The following TNFAIP8 variants were observed in gnomAD, a reference collection of about 807,000 sequenced individuals.
TNFAIP8 encodes the protein tumor necrosis factor alpha-induced protein 8.
TNFAIP8 carries 7 observed loss-of-function variants against 13.3 expected under a neutral mutation model. That is an observed-to-expected ratio of 0.52 (90% CI 0.30 to 0.99). The LOEUF is 0.99. Ranked by LOEUF, TNFAIP8 falls within the 50% of genes least tolerant of loss-of-function variation. TNFAIP8 has a pLI of 0.07. For missense variants in TNFAIP8, 258 were observed against 236.9 expected (o/e 1.09, Z -0.58); for synonymous variants, 94 against 87.6 (o/e 1.07, Z -0.41).
At chr5:119,385,348 C>T (rs928377523) in intron 1 of TNFAIP8, among the ~76,000 whole-genome samples, 6 of 152,332 alleles carry the variant, frequency 3.9e-5, no homozygotes, top group East Asian at 1.9e-4. Context: ...TGCATGAGAA[C>T]GCTGTGACTT....
Position 119,397,620 on chromosome 5 carries a change from C to T in TNFAIP8, c.*4239C>T, listed in dbSNP as rs1313924089. The T allele has an allele frequency of 6.6e-6, 1 of 152,180 alleles. No homozygotes were observed. Among genetic ancestry groups the T allele is most frequent in the Non-Finnish European group, 1.5e-5 (1 of 68,024 alleles). 9.4% of individuals were successfully genotyped at this position (152,180 alleles called of 1,614,324 possible). A position where few individuals can be genotyped will look rare whatever the true frequency, so the allele number is the denominator to read the frequency against. The stretch of plus-strand genomic sequence containing the variant: ...TTATCCTACCTCTGAAATAATTGTA[C>T]TTTCTGTGATTCAGATAAAAACTTT... On this transcript the variant is annotated 3_prime_UTR_variant, in exon 2 of 2. Coordinates refer to ENST00000504771, the MANE Select transcript of TNFAIP8 (RefSeq NM_014350.4).
At chr5:119,369,449 A>G (rs1751995127) in intron 1 of TNFAIP8, among the ~76,000 whole-genome samples, 1 of 152,172 alleles carries the variant, frequency 6.6e-6, no homozygotes, top group South Asian at 2.1e-4. Context: ...GTGGCTGGTA[A>G]GCGTCTTCTA....
chr5:119,307,560 T>C (rs892862823), intron 1 of TNFAIP8, among the ~76,000 whole-genome samples: 1 of 152,220 alleles, frequency 6.6e-6, no homozygotes, highest in African/African-American at 2.4e-5. Context: ...GTTAAGCATC[T>C]CTATGTATCC....
chr5:119,305,224 G>T (rs190500606), intron 1 of TNFAIP8, among the ~76,000 whole-genome samples: 301 of 152,128 alleles, frequency 2.0e-3, no homozygotes, highest in Non-Finnish European at 3.6e-3. Context: ...AGTCATTTTC[G>T]GGCTTTCTTC....
At chr5:119,290,073 C>T (rs1581573886) in intron 1 of TNFAIP8, among the ~76,000 whole-genome samples, 4 of 152,326 alleles carry the variant, frequency 2.6e-5, no homozygotes, top group African/African-American at 9.6e-5. Context: ...AAGAAATTCT[C>T]TGCCCTCTAG....
At chr5:119,282,739 T>A (rs1444663477) in intron 1 of TNFAIP8, among the ~76,000 whole-genome samples, 6 of 152,194 alleles carry the variant, frequency 3.9e-5, no homozygotes, top group African/African-American at 4.8e-5. Flanking sequence ...TTCTGACCAC[T>A]GCATCAGTGG....
intron 1 of TNFAIP8, among the ~76,000 whole-genome samples, chr5:119,363,519 G>A (rs902235882): frequency 6.6e-6 from 1 of 152,220 alleles, no homozygotes; most frequent in Non-Finnish European, 1.5e-5. Context: ...AAGAGCATTT[G>A]CCTACAGGCC....
At chr5:119,283,017 G>A (rs1401599090) in intron 1 of TNFAIP8, among the ~76,000 whole-genome samples, 1 of 152,184 alleles carries the variant, frequency 6.6e-6, no homozygotes, top group African/African-American at 2.4e-5. Context: ...CCTCCTGGTC[G>A]GTCATACATT....
Position 119,398,201 on chromosome 5 carries a change from A to G in TNFAIP8, c.*4820A>G, listed in dbSNP as rs969807121. 1.3e-5 allele frequency: 2 copies of G among 152,226 alleles called. No homozygotes were observed. Among genetic ancestry groups the G allele is most frequent in the South Asian group, 4.1e-4 (2 of 4,830 alleles). The allele number at this position is 152,226 out of a possible 1,614,324, so 9.4% of individuals were successfully genotyped here. On this transcript the variant is annotated 3_prime_UTR_variant, in exon 2 of 2. Coordinates refer to ENST00000504771, the MANE Select transcript of TNFAIP8 (RefSeq NM_014350.4). ...GAGGAAATTCTCCGCCTTCCCTGAC[A>G]TCAGCTGCATAACTGTATTTCTGCC...
chr5:119,393,201 G>C lies in TNFAIP8; in HGVS notation c.417G>C (p.Leu139=), dbSNP rs776660929. ...TGTTAAATGAATGCAGAGAGATGCT[G>C]CACCAAATCATTCAGCGCCACCTCA... ...SRLLNECREM[L]HQIIQRHLTA... is the part of the protein sequence containing the mutation. The change falls in exon 2 of 2, where the codon CTG becomes CTC. Residue 139 remains leucine (L), a synonymous_variant. Coordinates refer to ENST00000504771, the MANE Select transcript of TNFAIP8 (RefSeq NM_014350.4). 26 of 1,614,018 alleles carry C rather than the reference G, an allele frequency of 1.6e-5. No individual in the cohort carries two copies. In the South Asian group the frequency reaches 1.8e-4, roughly 11 times the overall value.
At chr5:119,369,055 C>CT (rs61101551) in intron 1 of TNFAIP8, among the ~76,000 whole-genome samples, 4,227 of 104,932 alleles carry the variant, frequency 0.04, 96 homozygotes, top group African/African-American at 0.12. Context: ...CTTTTCTTTT[C>CT]TTTTTTTTTT....
intron 1 of TNFAIP8, among the ~76,000 whole-genome samples, chr5:119,295,724 A>G (rs1215484630): frequency 1.3e-5 from 2 of 152,074 alleles, no homozygotes; most frequent in Admixed American, 6.5e-5. Flanking sequence ...CTTGGGCAGT[A>G]TGGCCATTTT....
intron 1 of TNFAIP8, among the ~76,000 whole-genome samples, chr5:119,315,444 C>T (rs1561997195): frequency 6.6e-6 from 1 of 151,524 alleles, no homozygotes; most frequent in African/African-American, 2.5e-5. Context: ...TGTGTGTATG[C>T]ATGTGTGTGT....
chr5:119,294,763 G>A (rs1749114394), intron 1 of TNFAIP8, among the ~76,000 whole-genome samples: 1 of 152,076 alleles, frequency 6.6e-6, no homozygotes, highest in South Asian at 2.1e-4. Flanking sequence ...TCTCATTGTG[G>A]TTTTGATTTG....
chr5:119,355,913 C>G, upstream of TNFAIP8: 2 of 1,339,034 alleles, frequency 1.5e-6, no homozygotes, highest in Non-Finnish European at 9.8e-7. Flanking sequence ...TCTTGCAGAA[C>G]TTTCCCCCTG....
At chr5:119,275,819 CT>C (rs142350903) in intron 1 of TNFAIP8, among the ~76,000 whole-genome samples, 15 of 151,362 alleles carry the variant, frequency 9.9e-5, no homozygotes, top group South Asian at 2.1e-4. Context: ...AGATTGACAG[CT>C]TTTTTTTTCC....
chr5:119,348,706 C>A (rs1006791046), intron 1 of TNFAIP8, among the ~76,000 whole-genome samples: 1 of 151,944 alleles, frequency 6.6e-6, no homozygotes, highest in South Asian at 2.1e-4. Flanking sequence ...CATGGTGAAA[C>A]CTTGTCTCTA....
intron 1 of TNFAIP8, among the ~76,000 whole-genome samples, chr5:119,324,274 CAAAAAAAAAAAAAAAAAAA>C (rs56104829): frequency 0.03 from 2,339 of 77,518 alleles, 65 homozygotes; most frequent in Non-Finnish European, 0.045. Context: ...GACGCCATCT[CAAAAAAAAAAAAAAAAAAA>C]AAAAAAAAAA....
At chr5:119,377,010 A>ATGTT (rs761290480) in intron 1 of TNFAIP8, among the ~76,000 whole-genome samples, 1 of 152,034 alleles carries the variant, frequency 6.6e-6, no homozygotes, top group Non-Finnish European at 1.5e-5. Flanking sequence ...GTATTTATAT[A>ATGTT]TGTTTGTTTG....
Sources: allele counts gnomAD v4.1 joint callset (sites outside exome capture counted in the v4.1 genomes callset), GRCh38; gene constraint gnomAD v4.1.1; transcripts MANE v1.5; gene names NCBI Gene and HGNC (gene_info 2026-07-23, HGNC 2026-07-21).